The following GRID1 variants were observed in gnomAD, a reference collection of about 807,000 sequenced individuals.
The protein encoded by GRID1 is glutamate receptor ionotropic, delta-1.
A neutral mutation model predicts 98.0 loss-of-function variants in GRID1; 28 were observed. That is an observed-to-expected ratio of 0.29 (90% CI 0.21 to 0.39). The LOEUF is 0.39. Ranked by LOEUF, GRID1 falls within the 10% of genes least tolerant of loss-of-function variation. The pLI is 1.00. For synonymous variants in GRID1, 553 were observed against 538.5 expected (o/e 1.03, Z -0.37); for missense variants, 1,111 against 1,340.5 (o/e 0.83, Z 2.67).
chr10:85,796,398 TG>T (rs1842526537), intron 8 of GRID1, among the ~76,000 whole-genome samples: 1 of 152,070 alleles, frequency 6.6e-6, no homozygotes, highest in East Asian at 1.9e-4. Flanking sequence ...AGAGAAAAAA[TG>T]GTATTAACTA....
intron 3 of GRID1, among the ~76,000 whole-genome samples, chr10:86,142,834 C>T (rs1292230673): frequency 6.6e-6 from 1 of 152,248 alleles, no homozygotes; most frequent in Admixed American, 6.5e-5. Flanking sequence ...CAGTCCCTTC[C>T]CTGAGCTCCC....
At chr10:85,728,090 C>T in intron 9 of GRID1, 38 bp from the exon 10 acceptor site, 1 of 1,312,020 alleles carries the variant, frequency 7.6e-7, no homozygotes, top group Non-Finnish European at 1.1e-6. Context: ...AATTAAATAA[C>T]AGGTTCATCA....
At chr10:85,668,695 G>A (rs1311941023) in intron 12 of GRID1, among the ~76,000 whole-genome samples, 2 of 152,218 alleles carry the variant, frequency 1.3e-5, no homozygotes, top group African/African-American at 4.8e-5. Context: ...ACACTCAGTG[G>A]ACTTTGCACA....
chr10:85,825,507 C>G (rs1305070023), intron 8 of GRID1, among the ~76,000 whole-genome samples: 1 of 151,616 alleles, frequency 6.6e-6, no homozygotes, highest in Non-Finnish European at 1.5e-5. Flanking sequence ...TCTGATTATT[C>G]TTTTGCTGTG....
chr10:85,667,035 G>C (rs529701905), intron 12 of GRID1, among the ~76,000 whole-genome samples: 1 of 152,186 alleles, frequency 6.6e-6, no homozygotes, highest in Non-Finnish European at 1.5e-5. Flanking sequence ...TCATTAGGCT[G>C]TAAAGAGAGG....
At chr10:86,303,651 G>T (rs188009249) in intron 2 of GRID1, among the ~76,000 whole-genome samples, 1 of 152,206 alleles carries the variant, frequency 6.6e-6, no homozygotes, top group Non-Finnish European at 1.5e-5. Context: ...TGGACATCGC[G>T]TTGCCCCACA....
At chr10:86,003,893 C>T (rs1490500798) in intron 4 of GRID1, among the ~76,000 whole-genome samples, 2 of 152,238 alleles carry the variant, frequency 1.3e-5, no homozygotes, top group African/African-American at 4.8e-5. Context: ...GCCAACTTGC[C>T]TGCCCTGTGC....
intron 2 of GRID1, among the ~76,000 whole-genome samples, chr10:86,269,534 G>A (rs186120327): frequency 7.9e-5 from 12 of 152,132 alleles, no homozygotes; most frequent in East Asian, 3.9e-4. Flanking sequence ...TCTTGGCCTC[G>A]GCCTCTGCAC....
chr10:86,285,709 G>T (rs536950912), intron 2 of GRID1, among the ~76,000 whole-genome samples: 1 of 152,326 alleles, frequency 6.6e-6, no homozygotes, highest in East Asian at 1.9e-4. Flanking sequence ...GTAGGTCTAG[G>T]AATAGGTACA....
At chr10:86,077,322 C>T (rs2131926505) in intron 4 of GRID1, among the ~76,000 whole-genome samples, 1 of 152,324 alleles carries the variant, frequency 6.6e-6, no homozygotes, top group South Asian at 2.1e-4. Context: ...AGGACAGTCT[C>T]CAAAGCCCTT....
intron 4 of GRID1, among the ~76,000 whole-genome samples, chr10:86,121,026 G>A (rs72835266): frequency 0.06 from 9,109 of 152,184 alleles, 395 homozygotes; most frequent in South Asian, 0.21. Context: ...AGTCTCTTGG[G>A]AGATCCTCAA....
At chr10:86,224,992 G>A (rs1262986901) in intron 2 of GRID1, among the ~76,000 whole-genome samples, 3 of 152,246 alleles carry the variant, frequency 2.0e-5, no homozygotes, top group Non-Finnish European at 4.4e-5. Flanking sequence ...CAAGGCACAG[G>A]TGCCGGAGGA....
At chr10:85,777,072 A>G (rs1254054603) in intron 8 of GRID1, among the ~76,000 whole-genome samples, 1 of 152,230 alleles carries the variant, frequency 6.6e-6, no homozygotes, top group African/African-American at 2.4e-5. Flanking sequence ...AAAGGGTCCT[A>G]TATCAGCACA....
At chr10:85,617,737 C>T (rs1316738655) in intron 14 of GRID1, among the ~76,000 whole-genome samples, 1 of 152,186 alleles carries the variant, frequency 6.6e-6, no homozygotes, top group East Asian at 1.9e-4. Flanking sequence ...TCACTACTTG[C>T]CAAAATGACA....
At chr10:85,995,920 A>G (rs909138102) in intron 4 of GRID1, among the ~76,000 whole-genome samples, 2 of 152,238 alleles carry the variant, frequency 1.3e-5, no homozygotes, top group Non-Finnish European at 2.9e-5. Context: ...GATTCTAATC[A>G]GTATATAAAA....
intron 13 of GRID1, among the ~76,000 whole-genome samples, chr10:85,623,616 T>G (rs562018725): frequency 3.0e-4 from 45 of 152,284 alleles, no homozygotes; most frequent in African/African-American, 1.0e-3. Context: ...CTGCCCCTCC[T>G]GTTGCAAGTT....
intron 2 of GRID1, among the ~76,000 whole-genome samples, chr10:86,320,280 A>G (rs938198204): frequency 6.6e-6 from 1 of 152,154 alleles, no homozygotes; most frequent in Non-Finnish European, 1.5e-5. Context: ...CACCCAGGCC[A>G]CCTCCTGAGA....
At chr10:85,629,188 A>G (rs961183878) in intron 13 of GRID1, among the ~76,000 whole-genome samples, 1 of 152,198 alleles carries the variant, frequency 6.6e-6, no homozygotes, top group Admixed American at 6.5e-5. Flanking sequence ...TTGCATCTCA[A>G]AAAGGCCACC....
At chr10:86,209,508 G>C (rs376875460) in intron 2 of GRID1, among the ~76,000 whole-genome samples, 1 of 152,156 alleles carries the variant, frequency 6.6e-6, no homozygotes, top group East Asian at 1.9e-4. Flanking sequence ...GAAAATACCA[G>C]GGCACAAAAT....
Sources: allele counts gnomAD v4.1 joint callset (sites outside exome capture counted in the v4.1 genomes callset), GRCh38; gene constraint gnomAD v4.1.1; transcripts MANE v1.5; gene names NCBI Gene and HGNC (gene_info 2026-07-23, HGNC 2026-07-21).